MYBPC2: variants seen among roughly 807,000 people sequenced by gnomAD.
MYBPC2 encodes the protein myosin-binding protein C, fast-type.
A neutral mutation model predicts 137.0 loss-of-function variants in MYBPC2; 122 were observed. The ratio of observed to expected loss-of-function variants is 0.89; its 90% CI spans 0.77 to 1.03. The LOEUF (loss-of-function observed/expected upper bound fraction) is 1.03, where lower values mean the gene tolerates loss of function less well. Ranked by LOEUF, MYBPC2 falls within the 50% of genes least tolerant of loss-of-function variation. MYBPC2 has a pLI of 0.00. For missense variants in MYBPC2, 1,500 were observed against 1,534.4 expected, an observed-to-expected ratio of 0.98 and a Z score of 0.37; for synonymous variants, 626 against 612.3, an observed-to-expected ratio of 1.02 and a Z score of -0.33.
At chr19:50,433,041 T>A (rs921751213) in intron 1 of MYBPC2, 69 bp downstream of exon 1, 2 of 1,502,816 alleles carry the variant, frequency 1.3e-6, no homozygotes, top group African/African-American at 2.8e-5. Flanking sequence ...TTGGGACCCC[T>A]CTGTTTGTAG....
intron 1 of MYBPC2, among the ~76,000 whole-genome samples, chr19:50,434,872 C>T (rs558671360): frequency 1.3e-5 from 2 of 152,132 alleles, no homozygotes; most frequent in Non-Finnish European, 2.9e-5. Flanking sequence ...AAGGTCAGGG[C>T]GTGGTGGCCT....
In MYBPC2 at chr19:50,443,412, G is replaced by A. The variant is rs774041353; in HGVS notation, c.903-82G>A. 8.0e-5 allele frequency: 122 copies of A among 1,520,424 alleles called. 1 individual carries two copies. The highest frequency in any genetic ancestry group is 1.0e-4 in the Non-Finnish European group (115 of 1,123,132). The allele number at this position is 1,520,424 out of a possible 1,614,324, so 94.2% of individuals were successfully genotyped here. A position where few individuals can be genotyped will look rare whatever the true frequency, so the allele number is the denominator to read the frequency against. ...CTCTGAGAGAGAGAGAGAGAGACTT[G>A]CCTTGAGAACAGGTAAGCAGAGCTA... is the stretch of plus-strand genomic sequence containing the variant. On this transcript the variant is annotated intron_variant, in intron 9 of 27. Transcript: ENST00000357701.
intron 20 of MYBPC2, 128 bp from the exon 21 acceptor site, chr19:50,458,459 C>A: frequency 9.1e-7 from 1 of 1,103,676 alleles, no homozygotes; most frequent in Non-Finnish European, 1.3e-6. Context: ...CCAGCTGCTG[C>A]TGCTGCTTCT....
rs1433465085 is a variant in MYBPC2 at position 50,459,086 on chromosome 19, A to ACCCCG, written c.2596-16_2596-12dup. ...TTGCGGGTGGAGCCCCGCTGACCCCACCCCGCCCCGCCCTCTCCCCGCAGG... is the reference window on the plus strand; with the variant it reads ...TTGCGGGTGGAGCCCCGCTGACCCCACCCCGCCCCGCCCCGCCCTCTCCCCGCAGG... On this transcript the variant is annotated intron_variant, in intron 22 of 27. Coordinates refer to ENST00000357701, the MANE Select transcript of MYBPC2 (RefSeq NM_004533.4). 2.5e-5 allele frequency: 31 copies of ACCCCG among 1,260,502 alleles called. No homozygotes were observed. The East Asian group carries it at 3.7e-4, about 15-fold the overall frequency. The allele number at this position is 1,260,502 out of a possible 1,614,324, so 78.1% of individuals were successfully genotyped here. A position where few individuals can be genotyped will look rare whatever the true frequency, so the allele number is the denominator to read the frequency against.
In MYBPC2 at chr19:50,443,791, T is replaced by G; in HGVS notation, c.1108T>G (p.Ser370Ala). 1.2e-6 allele frequency: 2 copies of G among 1,613,828 alleles called. No homozygotes were observed. Among genetic ancestry groups the G allele is most frequent in the East Asian group, 4.5e-5 (2 of 44,880 alleles). ...CCGGGTGGAAATGGCAGTGGAGGTG[T>G]CAGAAGAGGGTGCCCAGGTGATGTG... ...GDRVEMAVEV[S>A]EEGAQVMWMK... The change falls in exon 11 of 28, where the codon TCA becomes GCA. Residue 370 changes from serine (S) to alanine (A), a missense_variant. Coordinates refer to ENST00000357701, the MANE Select transcript of MYBPC2 (RefSeq NM_004533.4).
At position 50,440,840 on chromosome 19, in the gene MYBPC2, T is replaced by G. The variant is rs1011460954; in HGVS notation, c.573-40T>G. ...AAGGCAGAGGGACATCCTCCCTTCC[T>G]CACTCCCTGATGGCCCCTGTCCGTT... On this transcript the variant is annotated intron_variant, in intron 7 of 27. Coordinates refer to ENST00000357701, the MANE Select transcript of MYBPC2 (RefSeq NM_004533.4). The G allele has an allele frequency of 2.5e-6, 4 of 1,572,280 alleles. No homozygotes were observed. The African/African-American group carries it at 4.1e-5, about 16-fold the overall frequency.
At chr19:50,454,915 G>A (rs980258841) in intron 18 of MYBPC2, among the ~76,000 whole-genome samples, 193 bp from the exon 19 acceptor site, 1 of 152,066 alleles carries the variant, frequency 6.6e-6, no homozygotes, top group African/African-American at 2.4e-5. Context: ...TTCATGAGCT[G>A]TGACCCCCTC....
Position 50,455,546 on chromosome 19 carries a change from A to G in MYBPC2, c.2240A>G (p.Asp747Gly), listed in dbSNP as rs2039901707. The G allele has an allele frequency of 3.1e-6, 5 of 1,613,560 alleles. No individual in the cohort carries two copies. Among genetic ancestry groups the G allele is most frequent in the Non-Finnish European group, 4.2e-6 (5 of 1,179,834 alleles). The change falls in exon 20 of 28, where the codon GAT (aspartate) becomes GGT (glycine). Residue 747 changes from aspartate (D) to glycine (G), a missense_variant. Transcript: ENST00000357701. ...GAACCCCTGCACCTGATAGTGGAGG[A>G]TGTGACAGACACCACCACCACACTC... ...TSEPLHLIVEDVTDTTTTLKW... is the reference protein window; with the variant it reads ...TSEPLHLIVEGVTDTTTTLKW...
In MYBPC2 at chr19:50,459,286, C is replaced by T. The variant is rs755502423; in HGVS notation, c.2771C>T (p.Thr924Ile). The change falls in exon 23 of 28, where the codon ACC becomes ATC. Residue 924 changes from threonine to isoleucine, a missense_variant. Coordinates refer to ENST00000357701, the MANE Select transcript of MYBPC2 (RefSeq NM_004533.4). The stretch of plus-strand genomic sequence containing the variant: ...ATCGAGAACATGAAGGACACCGCCA[C>T]CATCCGCATCCGCGTTGTGGGTGCG... ...VQIENMKDTA[T>I]IRIRVVEKAG... 4.4e-6 allele frequency: 7 copies of T among 1,606,788 alleles called. No homozygotes were observed. The South Asian group carries it at 7.7e-5, about 18-fold the overall frequency.
chr19:50,450,996 C>T, intron 14 of MYBPC2, 61 bp downstream of exon 14: 1 of 1,410,400 alleles, frequency 7.1e-7, no homozygotes, highest in Non-Finnish European at 9.8e-7. Flanking sequence ...AGACCCAGGG[C>T]CCGGGATGTC....
At chr19:50,448,169 G>C (rs2039822430) in intron 12 of MYBPC2, 56 bp from the exon 13 acceptor site, 1 of 1,544,702 alleles carries the variant, frequency 6.5e-7, no homozygotes, top group African/African-American at 1.4e-5. Context: ...GTGCTCACAA[G>C]TGTCTGTGCA....
In MYBPC2 at chr19:50,436,753, C is replaced by G; in HGVS notation, c.463+19C>G. On this transcript the variant is annotated intron_variant, in intron 5 of 27. Coordinates refer to ENST00000357701, the MANE Select transcript of MYBPC2 (RefSeq NM_004533.4). ...GTGGAGGGTATGCTGGTGGGGGATG[C>G]GGGAGCAAAGGGTTCTATGTCTGGG... 1 of 1,607,032 alleles carries G rather than the reference C, an allele frequency of 6.2e-7. No homozygotes were observed. Among genetic ancestry groups the G allele is most frequent in the Non-Finnish European group, 8.5e-7 (1 of 1,174,258 alleles).
chr19:50,437,625 G>T (rs780393593), intron 6 of MYBPC2, 34 bp from the exon 7 acceptor site: 12 of 1,595,960 alleles, frequency 7.5e-6, no homozygotes, highest in Non-Finnish European at 8.5e-6. Flanking sequence ...GAATCTGAAG[G>T]GTCAAGACTC....
chr19:50,462,812 G>A (rs951909058), intron 26 of MYBPC2, among the ~76,000 whole-genome samples: 1 of 152,136 alleles, frequency 6.6e-6, no homozygotes, highest in African/African-American at 2.4e-5. Flanking sequence ...GCCTCCCAAA[G>A]TGCTGGGATT....
At chr19:50,456,416 C>T (rs1054633328) in intron 20 of MYBPC2, among the ~76,000 whole-genome samples, 2 of 147,888 alleles carry the variant, frequency 1.4e-5, no homozygotes, top group African/African-American at 5.0e-5. Context: ...GTCCATATTT[C>T]CTTCGTTTCT....
intron 16 of MYBPC2, among the ~76,000 whole-genome samples, chr19:50,452,470 A>G (rs146195852): frequency 0.051 from 6,082 of 118,728 alleles, 299 homozygotes; most frequent in African/African-American, 0.14. Context: ...GTATCTGTGT[A>G]TGTATGTATG....
chr19:50,458,258 C>G (rs1467050547), intron 20 of MYBPC2, among the ~76,000 whole-genome samples: 1 of 149,472 alleles, frequency 6.7e-6, no homozygotes, highest in African/African-American at 2.5e-5. Context: ...TGCAGTGAGC[C>G]AAGATCTTGC....
chr19:50,460,045 G>T lies in MYBPC2; in HGVS notation c.2797G>T (p.Ala933Ser). 1 of 1,552,598 alleles carries T rather than the reference G, an allele frequency of 6.4e-7. No homozygotes were observed. Among genetic ancestry groups the T allele is most frequent in the African/African-American group, 1.4e-5 (1 of 73,108 alleles). ...ATIRIRVVEK[A>S]GPPINVMVKE... ...TCACACTTCCCCATTTCCAGAAAAG[G>T]CTGGGCCCCCCATAAACGTGATGGT... The change falls in exon 24 of 28, where the codon GCT becomes TCT. Residue 933 changes from alanine (A) to serine (S), a missense_variant. By Grantham distance (99) the Ala-to-Ser change is moderately conservative. Coordinates refer to ENST00000357701, the MANE Select transcript of MYBPC2 (RefSeq NM_004533.4).
At chr19:50,434,164 C>T (rs530028112) in intron 1 of MYBPC2, among the ~76,000 whole-genome samples, 3 of 152,272 alleles carry the variant, frequency 2.0e-5, no homozygotes, top group South Asian at 4.1e-4. Flanking sequence ...TCAAGGCCAG[C>T]CTGGCCAACA....
Sources: gnomAD v4.1 joint callset for allele counts (sites outside exome capture counted in the v4.1 genomes callset) on GRCh38, gnomAD v4.1.1 for gene constraint, MANE v1.5 for transcripts, NCBI Gene and HGNC (gene_info 2026-07-23, HGNC 2026-07-21) for gene names.